The following AHCY variants were observed in gnomAD, a reference collection of about 807,000 sequenced individuals.
AHCY encodes adenosylhomocysteinase.
A neutral mutation model predicts 45.4 loss-of-function variants in AHCY; 24 were observed. That is an observed-to-expected ratio of 0.53 (90% CI 0.38 to 0.74). The LOEUF is 0.74. Ranked by LOEUF, AHCY falls within the 30% of genes least tolerant of loss-of-function variation. The pLI, the probability that AHCY is intolerant of heterozygous loss-of-function variation, is 0.00. For missense variants in AHCY, 449 were observed against 594.1 expected (o/e 0.76, Z 2.54); for synonymous variants, 245 against 235.1 (o/e 1.04, Z -0.39).
At chr20:34,269,981 A>C in the AHCY span, among the ~76,000 whole-genome samples, 1 of 119,984 alleles carries the variant, frequency 8.3e-6, no homozygotes, top group Non-Finnish European at 1.8e-5. Context: ...AAAAAAAAAC[A>C]AGAAAAAAGA....
chr20:34,258,696 C>CACA, the AHCY span, among the ~76,000 whole-genome samples: 1 of 11,652 alleles, frequency 8.6e-5, no homozygotes, highest in Non-Finnish European at 2.3e-4. Context: ...TATATACATA[C>CACA]TATATATATA....
chr20:34,245,400 A>AT, the AHCY span, among the ~76,000 whole-genome samples: 1 of 148,440 alleles, frequency 6.7e-6, no homozygotes, highest in Non-Finnish European at 1.5e-5. Flanking sequence ...ATTTTATTTT[A>AT]TTTTTTTAGA....
intron 3 of AHCY, chr20:34,293,814 T>G: frequency 1.9e-6 from 1 of 531,062 alleles, no homozygotes; most frequent in South Asian, 2.0e-5. Flanking sequence ...GAACTTCCCC[T>G]CCGCTTCATC....
the AHCY span, among the ~76,000 whole-genome samples, chr20:34,272,384 C>A: frequency 6.6e-6 from 1 of 152,328 alleles, no homozygotes; most frequent in African/African-American, 2.4e-5. Flanking sequence ...GCAGTGGACA[C>A]CAGCTAGGTG....
At chr20:34,264,905 C>A in the AHCY span, among the ~76,000 whole-genome samples, 1 of 150,414 alleles carries the variant, frequency 6.6e-6, no homozygotes, top group African/African-American at 2.5e-5. Flanking sequence ...AAGTGATCCT[C>A]CTGCCTCAGC....
the AHCY span, among the ~76,000 whole-genome samples, chr20:34,243,835 C>A: frequency 6.6e-6 from 1 of 151,218 alleles, no homozygotes; most frequent in Non-Finnish European, 1.5e-5. Context: ...GAGGCCGAGG[C>A]GGGTGGATCA....
chr20:34,262,892 A>C, the AHCY span: 1 of 1,613,990 alleles, frequency 6.2e-7, no homozygotes, highest in East Asian at 2.2e-5. Context: ...AGATCTTCTA[A>C]GGTAAGGGCA....
the AHCY span, among the ~76,000 whole-genome samples, chr20:34,269,875 C>T: frequency 3.1e-5 from 4 of 127,604 alleles, no homozygotes; most frequent in Admixed American, 3.6e-4. Context: ...ACCCGGGAGG[C>T]GGAGGTTGCA....
At chr20:34,262,451 A>G in the AHCY span, among the ~76,000 whole-genome samples, 24 of 152,074 alleles carry the variant, frequency 1.6e-4, no homozygotes, top group Admixed American at 3.3e-4. Context: ...ACAGGAGTCC[A>G]TTTTCTGGGT....
At chr20:34,243,997 G>A in the AHCY span, among the ~76,000 whole-genome samples, 1 of 152,108 alleles carries the variant, frequency 6.6e-6, no homozygotes, top group South Asian at 2.1e-4. Context: ...CCCGGGAAGC[G>A]GAGCTTGCAG....
intron 1 of AHCY, among the ~76,000 whole-genome samples, chr20:34,298,865 C>T (rs1019725804): frequency 6.6e-6 from 1 of 152,070 alleles, no homozygotes; most frequent in Non-Finnish European, 1.5e-5. Flanking sequence ...GAAATAATTG[C>T]GTAAGCTGTC....
the AHCY span, among the ~76,000 whole-genome samples, chr20:34,235,299 G>A: frequency 6.6e-6 from 1 of 152,164 alleles, no homozygotes; most frequent in Non-Finnish European, 1.5e-5. Context: ...AATTAGCCAG[G>A]CGAGGTGGCA....
chr20:34,303,447 C>T, upstream of AHCY: 1 of 897,976 alleles, frequency 1.1e-6, no homozygotes, highest in Non-Finnish European at 1.7e-6. Context: ...AGGGCGGAGC[C>T]GGAGGGGATT....
chr20:34,296,001 G>A (rs1442052103), intron 1 of AHCY, among the ~76,000 whole-genome samples: 1 of 151,914 alleles, frequency 6.6e-6, no homozygotes, highest in Non-Finnish European at 1.5e-5. Flanking sequence ...CATCACTCTC[G>A]GTGATTCAAC....
chr20:34,235,813 G>T, the AHCY span, among the ~76,000 whole-genome samples: 2 of 57,360 alleles, frequency 3.5e-5, no homozygotes, highest in African/African-American at 2.0e-4. Flanking sequence ...AAGAAAGAAA[G>T]AAAGAAAGAA....
the AHCY span, among the ~76,000 whole-genome samples, chr20:34,252,984 G>A: frequency 2.6e-5 from 4 of 152,178 alleles, no homozygotes; most frequent in Non-Finnish European, 1.5e-5. Context: ...ACAGGGTTGG[G>A]ACTAAAGTTA....
chr20:34,255,409 C>T, the AHCY span, among the ~76,000 whole-genome samples: 1 of 152,092 alleles, frequency 6.6e-6, no homozygotes, highest in Non-Finnish European at 1.5e-5. Context: ...CTCCCTCCCA[C>T]CTCACCCTCC....
the AHCY span, among the ~76,000 whole-genome samples, chr20:34,251,425 C>T: frequency 2.0e-5 from 3 of 152,022 alleles, no homozygotes; most frequent in Non-Finnish European, 2.9e-5. Context: ...TGCCCGCCAC[C>T]ACGCCCGGCT....
chr20:34,245,852 A>G, the AHCY span: 71 of 793,720 alleles, frequency 8.9e-5, no homozygotes, highest in Non-Finnish European at 1.1e-4. Flanking sequence ...ATATATATAT[A>G]TTCTACAGTA....
Sources: gnomAD v4.1 joint callset for allele counts (sites outside exome capture counted in the v4.1 genomes callset) on GRCh38, gnomAD v4.1.1 for gene constraint, MANE v1.5 for transcripts, NCBI Gene and HGNC (gene_info 2026-07-23, HGNC 2026-07-21) for gene names.